The following SNAP91 variants were observed in gnomAD, a reference collection of about 807,000 sequenced individuals.
The protein encoded by SNAP91 is synaptosome associated protein 91.
A neutral mutation model predicts 100.3 loss-of-function variants in SNAP91; 27 were observed. That is an observed-to-expected ratio of 0.27 (90% CI 0.20 to 0.37). SNAP91 has a LOEUF of 0.37. Among genes scored for constraint, SNAP91 ranks in the 10% least tolerant of loss-of-function variants. SNAP91 has a pLI of 1.00. For synonymous variants in SNAP91, 404 were observed against 398.6 expected, an observed-to-expected ratio of 1.01 and a Z score of -0.16; for missense variants, 986 against 1,123.7, an observed-to-expected ratio of 0.88 and a Z score of 1.75.
chr6:83,607,636 A>G (rs529206454), intron 13 of SNAP91, 63 bp downstream of exon 13: 1 of 1,130,282 alleles, frequency 8.8e-7, no homozygotes. Flanking sequence ...TACAGCACAT[A>G]AAAATAAAAC....
chr6:83,605,474 A>C (rs2095551564), intron 14 of SNAP91, among the ~76,000 whole-genome samples: 1 of 152,216 alleles, frequency 6.6e-6, no homozygotes, highest in South Asian at 2.1e-4. Flanking sequence ...CTATATGACT[A>C]TTTGAACATT....
At chr6:83,583,180 C>T (rs1185886448) in intron 22 of SNAP91, among the ~76,000 whole-genome samples, 1 of 152,198 alleles carries the variant, frequency 6.6e-6, no homozygotes, top group African/African-American at 2.4e-5. Context: ...CTGCTACCCA[C>T]TACCAGCTGC....
rs188972035 is a variant in SNAP91 at position 83,560,472 on chromosome 6, G to T, written c.2527-264C>A. Among the ~76,000 whole-genome samples, 25 of 152,266 alleles carry T rather than the reference G, an allele frequency of 1.6e-4. 1 individual carries two copies. The highest frequency in any genetic ancestry group is 1.6e-3 in the Admixed American group (25 of 15,300). ...CTTTGTTGTTGTTTATTCATCTTCT[G>T]TAAGCATAATTCTTGGAAAGAGAAA... On this transcript the variant is annotated intron_variant, in intron 27 of 29. Transcript: ENST00000369694.
chr6:83,585,839 AT>A (rs915653796), intron 22 of SNAP91, among the ~76,000 whole-genome samples: 387 of 147,996 alleles, frequency 2.6e-3, no homozygotes, highest in Non-Finnish European at 3.9e-3. Context: ...CAGGAGTACA[AT>A]TTTTTTTTCT....
intron 2 of SNAP91, among the ~76,000 whole-genome samples, chr6:83,688,064 A>G (rs544569695): frequency 6.6e-6 from 1 of 152,218 alleles, no homozygotes; most frequent in Admixed American, 6.5e-5. Context: ...ATGGGCCAAG[A>G]TTAAAATATA....
chr6:83,629,277 G>C (rs1001184148), intron 8 of SNAP91, among the ~76,000 whole-genome samples: 1 of 152,112 alleles, frequency 6.6e-6, no homozygotes, highest in Admixed American at 6.6e-5. Flanking sequence ...TTATAGTGTA[G>C]CTTGAAATCA....
intron 7 of SNAP91, among the ~76,000 whole-genome samples, chr6:83,644,615 T>C (rs1323631812): frequency 2.6e-5 from 4 of 152,206 alleles, no homozygotes; most frequent in Non-Finnish European, 5.9e-5. Context: ...TGAAGGATAA[T>C]TGTCCTAGGA....
rs2098088055 is a variant in SNAP91, at chr6:83,649,126, AT to A, written c.658+7627del. On this transcript the variant is annotated intron_variant, in intron 7 of 29. Transcript: ENST00000369694. ...CATATTATTTACTACTGAATAACAA[AT>A]TACTCCAAAATTTAGCAGTTAAAGC... Among the ~76,000 whole-genome samples the A allele has an allele frequency of 2.6e-5, 4 of 152,212 alleles. 1 individual carries two copies. The South Asian group carries it at 8.3e-4, about 31-fold the overall frequency.
intron 26 of SNAP91, among the ~76,000 whole-genome samples, chr6:83,569,912 C>G (rs542213683): frequency 1.3e-5 from 2 of 151,292 alleles, no homozygotes; most frequent in Non-Finnish European, 2.9e-5. Context: ...TTCATGAAAC[C>G]TTTTTTTTTG....
intron 2 of SNAP91, among the ~76,000 whole-genome samples, chr6:83,670,147 C>T (rs2098756756): frequency 6.6e-6 from 1 of 151,830 alleles, no homozygotes; most frequent in African/African-American, 2.4e-5. Flanking sequence ...TAGGGAACTA[C>T]TTTCTTGCCT....
intron 16 of SNAP91, among the ~76,000 whole-genome samples, chr6:83,599,258 G>A (rs562165613): frequency 1.2e-3 from 175 of 151,984 alleles, no homozygotes; most frequent in African/African-American, 4.0e-3. Context: ...AGAGGGCTAT[G>A]CAGGAAGTAA....
chr6:83,705,135 C>T (rs995486136), intron 2 of SNAP91, among the ~76,000 whole-genome samples: 3 of 152,132 alleles, frequency 2.0e-5, no homozygotes, highest in African/African-American at 7.2e-5. Flanking sequence ...ATAACTATGT[C>T]TCCAAATTCC....
chr6:83,563,358 A>G (rs151215853), intron 26 of SNAP91, among the ~76,000 whole-genome samples: 51 of 152,228 alleles, frequency 3.4e-4, no homozygotes, highest in African/African-American at 1.2e-3. Context: ...TACTCAACGA[A>G]CTAGAAAAGC....
intron 10 of SNAP91, 85 bp from the exon 11 acceptor site, chr6:83,614,947 G>T: frequency 9.0e-7 from 1 of 1,105,296 alleles, no homozygotes; most frequent in Non-Finnish European, 1.3e-6. Context: ...TAGGGAATAA[G>T]CAAAAGACAA....
intron 21 of SNAP91, among the ~76,000 whole-genome samples, 184 bp from the exon 22 acceptor site, chr6:83,591,478 G>T (rs1378529630): frequency 6.6e-6 from 1 of 152,088 alleles, no homozygotes; most frequent in Non-Finnish European, 1.5e-5. Flanking sequence ...CTCTCAAAAA[G>T]AGTTCTAAAA....
chr6:83,698,091 C>T (rs1156521771), intron 2 of SNAP91, among the ~76,000 whole-genome samples: 1 of 151,800 alleles, frequency 6.6e-6, no homozygotes, highest in Non-Finnish European at 1.5e-5. Flanking sequence ...CATGCAAAGG[C>T]CCAAAAGTAA....
intron 7 of SNAP91, among the ~76,000 whole-genome samples, chr6:83,648,555 G>A (rs112246111): frequency 1.3e-5 from 2 of 151,876 alleles, no homozygotes; most frequent in South Asian, 2.1e-4. Flanking sequence ...ATCATTTGAC[G>A]TTTTACCATT....
chr6:83,661,724 T>C, intron 4 of SNAP91, 120 bp from the exon 5 acceptor site: 1 of 486,974 alleles, frequency 2.1e-6, no homozygotes, highest in East Asian at 3.2e-5. Context: ...GGTCAATAAC[T>C]GTATCAGATA....
At chr6:83,677,657 T>G (rs1262595793) in intron 2 of SNAP91, among the ~76,000 whole-genome samples, 1 of 152,220 alleles carries the variant, frequency 6.6e-6, no homozygotes, top group Non-Finnish European at 1.5e-5. Flanking sequence ...ACCTTAAGCA[T>G]GTAATTCAAT....
Sources: gnomAD v4.1 joint callset for allele counts (sites outside exome capture counted in the v4.1 genomes callset) on GRCh38, gnomAD v4.1.1 for gene constraint, MANE v1.5 for transcripts, NCBI Gene and HGNC (gene_info 2026-07-23, HGNC 2026-07-21) for gene names.